The following PRDM10 variants were observed in gnomAD, a reference collection of about 807,000 sequenced individuals.
PRDM10 encodes the protein PR/SET domain 10.
In PRDM10, 65 loss-of-function variants were observed where a neutral mutation model predicts 133.1. The ratio of observed to expected loss-of-function variants is 0.49; its 90% CI spans 0.40 to 0.60. The LOEUF (loss-of-function observed/expected upper bound fraction) is 0.60, where lower values mean the gene tolerates loss of function less well. PRDM10 is among the 20% of genes least tolerant of loss of function. PRDM10 has a pLI of 0.00. For synonymous variants in PRDM10, 582 were observed against 580.4 expected, an observed-to-expected ratio of 1.00 and a Z score of -0.04; for missense variants, 1,137 against 1,507.1, an observed-to-expected ratio of 0.75 and a Z score of 4.07.
At chr11:129,989,502 A>G (rs1321837445) in intron 1 of PRDM10, among the ~76,000 whole-genome samples, 1 of 152,130 alleles carries the variant, frequency 6.6e-6, no homozygotes, top group Non-Finnish European at 1.5e-5. Context: ...CAATATCTCA[A>G]GCTCTTTTAT....
chr11:129,914,892 T>C lies in PRDM10; in HGVS notation c.2653A>G (p.Thr885Ala), dbSNP rs1414816826. The C allele has an allele frequency of 1.2e-6, 2 of 1,614,068 alleles. No homozygotes were observed. Among genetic ancestry groups the C allele is most frequent in the Non-Finnish European group, 1.7e-6 (2 of 1,180,038 alleles). The change falls in exon 17 of 21, where the codon ACT (threonine) becomes GCT (alanine). Residue 885 changes from threonine to alanine, a missense_variant. Transcript: ENST00000360871. ...TCCGTCGTCACCACAGTCTCTCCAGTGGCGCTGTCTGTAGTCAAAACCGCT... is the reference window on the plus strand; with the variant it reads ...TCCGTCGTCACCACAGTCTCTCCAGCGGCGCTGTCTGTAGTCAAAACCGCT... ...TPAVLTTDSATGETVVTTDLL... is the reference protein window; with the variant it reads ...TPAVLTTDSAAGETVVTTDLL...
chr11:129,914,047 G>C (rs949920155), intron 17 of PRDM10, among the ~76,000 whole-genome samples: 1 of 152,110 alleles, frequency 6.6e-6, no homozygotes, highest in African/African-American at 2.4e-5. Flanking sequence ...TGTCGCCCAG[G>C]CTGGAGTGCA....
At chr11:129,969,768 C>T (rs1951980234) in intron 1 of PRDM10, among the ~76,000 whole-genome samples, 1 of 152,104 alleles carries the variant, frequency 6.6e-6, no homozygotes, top group South Asian at 2.1e-4. Context: ...GATTGTGCCA[C>T]CACACTCCAG....
chr11:129,945,737 C>T lies in PRDM10; in HGVS notation c.521-725G>A, dbSNP rs187468088. Among the ~76,000 whole-genome samples, 26 of 152,308 alleles carry T rather than the reference C, an allele frequency of 1.7e-4. No individual in the cohort carries two copies. The highest frequency in any genetic ancestry group is 6.0e-4 in the African/African-American group (25 of 41,572). On this transcript the variant is annotated intron_variant, in intron 5 of 20. Coordinates refer to ENST00000360871, the MANE Select transcript of PRDM10 (RefSeq NM_199437.2). This position sits in a 1 kb window ranked among gnomAD's most constrained non-coding sequence, Gnocchi z 4.2. ...GAACGAGACAGGTACAGCCCCAAAA[C>T]GGAGGAGAGCAAATGGACCACACAG...
intron 11 of PRDM10, among the ~76,000 whole-genome samples, chr11:129,926,189 T>C (rs960305405): frequency 1.3e-5 from 2 of 152,174 alleles, no homozygotes; most frequent in Non-Finnish European, 2.9e-5. Flanking sequence ...ATTCATGCAA[T>C]TGTTATAGGG....
chr11:129,969,859 C>T (rs1012899384), intron 1 of PRDM10, among the ~76,000 whole-genome samples: 1 of 152,042 alleles, frequency 6.6e-6, no homozygotes, highest in African/African-American at 2.4e-5. Flanking sequence ...ACACAAAACA[C>T]CTGTATGTCA....
chr11:129,903,970 A>C (rs1949929122), intron 20 of PRDM10, among the ~76,000 whole-genome samples: 1 of 152,152 alleles, frequency 6.6e-6, no homozygotes, highest in Non-Finnish European at 1.5e-5. Flanking sequence ...GGCCAGAAAA[A>C]GGTCAAAGTC....
rs2135876607 is a variant in PRDM10, at chr11:129,945,350, T to C, written c.521-338A>G. Among the ~76,000 whole-genome samples the C allele has an allele frequency of 6.6e-6, 1 of 152,320 alleles. No homozygotes were observed. The highest frequency in any genetic ancestry group is 1.9e-4 in the East Asian group (1 of 5,184). ...GAAGAGTAAAAAGAGCGTATCAGGC[T>C]AAATGTTGCACTATCTGATGAGACA... is the stretch of plus-strand genomic sequence containing the variant. On this transcript the variant is annotated intron_variant, in intron 5 of 20. Transcript: ENST00000360871. This position sits in a 1 kb window ranked among gnomAD's most constrained non-coding sequence, Gnocchi z 4.2.
At chr11:129,986,573 G>C (rs1938450535) in intron 1 of PRDM10, among the ~76,000 whole-genome samples, 1 of 152,132 alleles carries the variant, frequency 6.6e-6, no homozygotes, top group South Asian at 2.1e-4. Context: ...ATTTTTAGTA[G>C]AAACGGGATT....
intron 20 of PRDM10, among the ~76,000 whole-genome samples, chr11:129,904,426 T>A (rs1949947611): frequency 6.6e-6 from 1 of 152,222 alleles, no homozygotes; most frequent in South Asian, 2.1e-4. Context: ...AGTTTTCAAG[T>A]ACACAATACA....
Position 129,900,562 on chromosome 11 carries a change from A to C in PRDM10, c.*1751T>G, listed in dbSNP as rs982341488. The stretch of plus-strand genomic sequence containing the variant: ...AATTAAAAAGAACGTAACAGGGCCA[A>C]ATTTAAGTTATAAAAGCTAAAACTG... On this transcript the variant is annotated 3_prime_UTR_variant, in exon 21 of 21. Coordinates refer to ENST00000360871, the MANE Select transcript of PRDM10 (RefSeq NM_199437.2). 2.6e-5 allele frequency: 4 copies of C among 152,622 alleles called. No individual in the cohort carries two copies. Among genetic ancestry groups the C allele is most frequent in the Non-Finnish European group, 2.9e-5 (2 of 68,046 alleles). The allele number at this position is 152,622 out of a possible 1,614,324, so 9.5% of individuals were successfully genotyped here.
At chr11:129,915,634 T>A (rs1244282079) in intron 16 of PRDM10, 26 bp downstream of exon 16, 7 of 1,544,054 alleles carry the variant, frequency 4.5e-6, no homozygotes, top group Non-Finnish European at 5.2e-6. Flanking sequence ...GTTTTGACCT[T>A]AGCTTTAGTC....
At chr11:129,953,977 T>C (rs533509953) in intron 4 of PRDM10, among the ~76,000 whole-genome samples, 70 of 148,554 alleles carry the variant, frequency 4.7e-4, no homozygotes, top group Admixed American at 1.7e-3. Flanking sequence ...AGAAATGAGG[T>C]TGGTTTGGGT....
At chr11:130,002,054 G>A (rs1277355725) in intron 1 of PRDM10, among the ~76,000 whole-genome samples, 1 of 151,308 alleles carries the variant, frequency 6.6e-6, no homozygotes, top group Non-Finnish European at 1.5e-5. Context: ...AGACAAAGCT[G>A]GGCGCCCCAT....
intron 1 of PRDM10, among the ~76,000 whole-genome samples, chr11:129,966,096 T>C (rs1951901853): frequency 2.0e-5 from 3 of 151,872 alleles, no homozygotes; most frequent in Admixed American, 6.6e-5. Context: ...ATACAAAAAT[T>C]AGCCAGGCTT....
chr11:129,925,719 C>CA lies in PRDM10; in HGVS notation c.1531-491dup, dbSNP rs200769360. Among the ~76,000 whole-genome samples, 458 of 97,700 alleles carry CA rather than the reference C, an allele frequency of 4.7e-3. 2 individuals carry two copies. The highest frequency in any genetic ancestry group is 0.029 in the African/African-American group (390 of 13,622). The allele number at this position is 97,700 out of a possible 152,430, so 64.1% of individuals were successfully genotyped here. ...AGCAAAAACAAAACAAACAAACAAACAAACAAAAAAACAATAAAAAGAACT... is the reference window on the plus strand; with the variant it reads ...AGCAAAAACAAAACAAACAAACAAACAAAACAAAAAAACAATAAAAAGAACT... On this transcript the variant is annotated intron_variant, in intron 11 of 20. Transcript: ENST00000360871.
intron 1 of PRDM10, among the ~76,000 whole-genome samples, chr11:129,989,401 A>C (rs1938608228): frequency 6.6e-6 from 1 of 152,342 alleles, no homozygotes; most frequent in Non-Finnish European, 1.5e-5. Flanking sequence ...CTCCCTTCTG[A>C]ACAGCAGTAT....
At chr11:129,922,860 T>C (rs1950557020) in intron 13 of PRDM10, among the ~76,000 whole-genome samples, 1 of 152,236 alleles carries the variant, frequency 6.6e-6, no homozygotes, top group Admixed American at 6.5e-5. Flanking sequence ...ATGAGCGTCC[T>C]GCTGGCTGCA....
chr11:129,907,903 C>A (rs922006872), intron 19 of PRDM10, among the ~76,000 whole-genome samples: 1 of 150,742 alleles, frequency 6.6e-6, no homozygotes, highest in African/African-American at 2.4e-5. Context: ...CCAGCCTGGG[C>A]AACACAGCGA....
Sources: gnomAD v4.1 joint callset for allele counts (sites outside exome capture counted in the v4.1 genomes callset) on GRCh38, gnomAD v4.1.1 for gene constraint, Gnocchi (gnomAD v3.1) non-coding constraint, MANE v1.5 for transcripts, NCBI Gene and HGNC (gene_info 2026-07-23, HGNC 2026-07-21) for gene names.